PRKCB: variants seen among roughly 807,000 people sequenced by gnomAD.
The protein encoded by PRKCB is protein kinase C beta, also known as protein kinase C beta type.
PRKCB carries 13 observed loss-of-function variants against 81.5 expected under a neutral mutation model. That is an observed-to-expected ratio of 0.16 (90% confidence interval 0.10 to 0.25). The LOEUF (loss-of-function observed/expected upper bound fraction) is 0.25. PRKCB is among the 10% of genes least tolerant of loss of function. The pLI, the probability that PRKCB is intolerant of heterozygous loss-of-function variation, is 1.00. For synonymous variants in PRKCB, 335 were observed against 321.4 expected, an observed-to-expected ratio of 1.04 and a Z score of -0.45; for missense variants, 509 against 875.7, an observed-to-expected ratio of 0.58 and a Z score of 5.29.
intron 2 of PRKCB, among the ~76,000 whole-genome samples, chr16:23,877,138 A>G (rs772774215): frequency 7.2e-4 from 110 of 152,140 alleles, no homozygotes; most frequent in Non-Finnish European, 1.4e-3. Context: ...TAACTCTGTA[A>G]AAGATGCAAA....
chr16:23,880,790 T>A (rs186768040), intron 2 of PRKCB, among the ~76,000 whole-genome samples: 1 of 152,180 alleles, frequency 6.6e-6, no homozygotes, highest in East Asian at 1.9e-4. Context: ...AATAATCTTA[T>A]CAAGCAGAAA....
intron 5 of PRKCB, among the ~76,000 whole-genome samples, chr16:24,062,859 C>T (rs531561232): frequency 6.6e-6 from 1 of 152,124 alleles, no homozygotes; most frequent in East Asian, 1.9e-4. Context: ...CCTCCCCCAT[C>T]CACTCTGTGA....
chr16:23,902,871 G>A (rs1212539725), intron 2 of PRKCB, among the ~76,000 whole-genome samples: 4 of 146,466 alleles, frequency 2.7e-5, no homozygotes, highest in African/African-American at 7.6e-5. Context: ...TGTCACGATC[G>A]TAGTTCACTG....
At chr16:24,131,119 A>G (rs1403146796) in intron 9 of PRKCB, among the ~76,000 whole-genome samples, 3 of 152,244 alleles carry the variant, frequency 2.0e-5, no homozygotes, top group Non-Finnish European at 4.4e-5. Context: ...GAATAAGTCA[A>G]GTAGGAAGAA....
chr16:24,197,959 C>T (rs75131972), intron 16 of PRKCB, among the ~76,000 whole-genome samples: 207 of 152,324 alleles, frequency 1.4e-3, no homozygotes, highest in African/African-American at 5.0e-3. Context: ...AGAGCGCTGG[C>T]TTGCAGGGCA....
chr16:24,071,436 TAAAAAAAA>T (rs398042091), intron 5 of PRKCB, among the ~76,000 whole-genome samples: 2 of 57,276 alleles, frequency 3.5e-5, no homozygotes, highest in Admixed American at 4.6e-4. Context: ...AGACCCTGTC[TAAAAAAAA>T]AAAAAAAAAA....
rs547569032 is a variant in PRKCB at position 23,918,484 on chromosome 16, C to T, written c.206-70024C>T. Among the ~76,000 whole-genome samples the T allele has an allele frequency of 4.0e-4, 61 of 152,210 alleles. 1 individual carries two copies. The highest frequency in any genetic ancestry group is 2.7e-3 in the South Asian group (13 of 4,822). Reference sequence around the variant, plus strand: ...TGATCTTGGCTCACTGCAACCTCCACCTCCTGGGCTCAAGAGATTCTCGTG... The same window carrying T: ...TGATCTTGGCTCACTGCAACCTCCATCTCCTGGGCTCAAGAGATTCTCGTG... On this transcript the variant is annotated intron_variant, in intron 2 of 16. Coordinates refer to ENST00000643927, the MANE Select transcript of PRKCB (RefSeq NM_002738.7).
At chr16:24,079,954 G>T (rs1426837892) in intron 5 of PRKCB, among the ~76,000 whole-genome samples, 1 of 151,996 alleles carries the variant, frequency 6.6e-6, no homozygotes, top group Non-Finnish European at 1.5e-5. Context: ...TTTGTCAGTC[G>T]CCTTTTTCGT....
At chr16:23,881,656 A>G (rs1204208926) in intron 2 of PRKCB, among the ~76,000 whole-genome samples, 1 of 152,220 alleles carries the variant, frequency 6.6e-6, no homozygotes, top group Middle Eastern at 3.2e-3. Context: ...TTAAAAAATA[A>G]TTACAAAATT....
At chr16:23,946,467 A>G (rs1368507235) in intron 2 of PRKCB, among the ~76,000 whole-genome samples, 1 of 152,170 alleles carries the variant, frequency 6.6e-6, no homozygotes, top group Non-Finnish European at 1.5e-5. Context: ...GGTAAGTTAT[A>G]TCTCTTGCCT....
rs772552770 is a variant in PRKCB, at chr16:24,181,505, G to A, written c.1533+577G>A. Among the ~76,000 whole-genome samples the A allele has an allele frequency of 9.3e-4, 141 of 152,092 alleles. 2 individuals carry two copies. Among genetic ancestry groups the A allele is most frequent in the Non-Finnish European group, 2.1e-4 (14 of 68,016 alleles). On this transcript the variant is annotated intron_variant, in intron 13 of 16. Coordinates refer to ENST00000643927, the MANE Select transcript of PRKCB (RefSeq NM_002738.7). ...TACAAGGCCAGGTGTGGCAGCTCGCGCCTGTAATCCCAGCACTTTGGGAGG... is the reference window on the plus strand; with the variant it reads ...TACAAGGCCAGGTGTGGCAGCTCGCACCTGTAATCCCAGCACTTTGGGAGG...
At chr16:23,914,680 C>G (rs902281852) in intron 2 of PRKCB, among the ~76,000 whole-genome samples, 1 of 152,074 alleles carries the variant, frequency 6.6e-6, no homozygotes, top group Non-Finnish European at 1.5e-5. Context: ...CCTGCACAGC[C>G]CTTAGAACAG....
chr16:23,908,016 G>A (rs552426102), intron 2 of PRKCB, among the ~76,000 whole-genome samples: 6 of 152,262 alleles, frequency 3.9e-5, no homozygotes, highest in Admixed American at 1.3e-4. Context: ...GGAAGCACAC[G>A]TGTCTATTCG....
intron 16 of PRKCB, among the ~76,000 whole-genome samples, chr16:24,205,571 C>T (rs951469575): frequency 6.6e-6 from 1 of 152,138 alleles, no homozygotes; most frequent in South Asian, 2.1e-4. Flanking sequence ...TTAAACTAAA[C>T]CCATTTTCTC....
In PRKCB at chr16:24,215,784, T is replaced by G. The variant is rs1304026571; in HGVS notation, c.*968T>G. 1.0e-6 allele frequency: 1 copy of G among 985,714 alleles called. No homozygotes were observed. Among genetic ancestry groups the G allele is most frequent in the Non-Finnish European group, 1.2e-6 (1 of 829,940 alleles). The allele number at this position is 985,714 out of a possible 1,614,324, so 61.1% of individuals were successfully genotyped here. A position where few individuals can be genotyped will look rare whatever the true frequency, so the allele number is the denominator to read the frequency against. On this transcript the variant is annotated 3_prime_UTR_variant, in exon 17 of 17. Coordinates refer to ENST00000643927, the MANE Select transcript of PRKCB (RefSeq NM_002738.7). ...CTGCGGAGCCTAGCAGACTCAGGCC[T>G]GTGGGAATGGGATTTGTTACAAATC...
intron 8 of PRKCB, among the ~76,000 whole-genome samples, chr16:24,121,035 G>C (rs1191040080): frequency 6.6e-6 from 1 of 152,184 alleles, no homozygotes; most frequent in Non-Finnish European, 1.5e-5. Context: ...CCTTTCAAAG[G>C]CTGTCTGTCA....
intron 4 of PRKCB, among the ~76,000 whole-genome samples, chr16:24,032,950 A>T (rs1226387264): frequency 6.6e-6 from 1 of 152,176 alleles, no homozygotes; most frequent in Non-Finnish European, 1.5e-5. Context: ...TTGCATGGAG[A>T]AGACCTGTGG....
chr16:24,049,870 G>A (rs1300630765), intron 5 of PRKCB, among the ~76,000 whole-genome samples: 1 of 152,184 alleles, frequency 6.6e-6, no homozygotes, highest in Non-Finnish European at 1.5e-5. Flanking sequence ...CAGGGAATCA[G>A]AGTCACTATA....
At chr16:23,980,954 G>A (rs755461792) in intron 2 of PRKCB, among the ~76,000 whole-genome samples, 45 of 151,976 alleles carry the variant, frequency 3.0e-4, no homozygotes, top group Non-Finnish European at 5.6e-4. Context: ...AGAAACATCC[G>A]AGAGGGCCCC....
Sources: gnomAD v4.1 joint callset for allele counts (sites outside exome capture counted in the v4.1 genomes callset) on GRCh38, gnomAD v4.1.1 for gene constraint, MANE v1.5 for transcripts, NCBI Gene and HGNC (gene_info 2026-07-23, HGNC 2026-07-21) for gene names.